The following RASGRF2 variants were observed in gnomAD, a reference collection of about 807,000 sequenced individuals.
The protein encoded by RASGRF2 is Ras protein specific guanine nucleotide releasing factor 2.
RASGRF2 carries 76 observed loss-of-function variants against 151.0 expected under a neutral mutation model. The observed-to-expected ratio is 0.50, with a 90% CI of 0.42 to 0.61. The LOEUF (loss-of-function observed/expected upper bound fraction) is 0.61, where lower values mean the gene tolerates loss of function less well. RASGRF2 is among the 20% of genes least tolerant of loss of function. The pLI is 0.00. For missense variants in RASGRF2, 1,148 were observed against 1,564.6 expected (o/e 0.73, Z 4.49); for synonymous variants, 504 against 566.5 (o/e 0.89, Z 1.57).
At position 81,127,074 on chromosome 5, in the gene RASGRF2, G is replaced by T. The variant is rs1753475965; in HGVS notation, c.2597G>T (p.Gly866Val). 1.9e-6 allele frequency: 3 copies of T among 1,613,880 alleles called. No individual in the cohort carries two copies. The highest frequency in any genetic ancestry group is 2.5e-6 in the Non-Finnish European group (3 of 1,179,838). The change falls in exon 17 of 27, where the codon GGA becomes GTA. Residue 866 changes from glycine to valine, a missense_variant and splice_region_variant. Around this residue, in one of 5 missense-constraint regions of RASGRF2, gnomAD observed 646 missense variants for 807.4 expected, o/e 0.80. Coordinates refer to ENST00000265080, the MANE Select transcript of RASGRF2 (RefSeq NM_006909.3). ...ATTTCCTTTCTTTTCAAATAACCAG[G>T]ACAGACGGCGGACAATGCCCACTGC... ...PRHLRYRQPG[G>V]QTADNAHCSV... is the part of the protein sequence containing the mutation.
intron 21 of RASGRF2, 77 bp downstream of exon 21, chr5:81,207,426 T>G (rs1580406596): frequency 7.9e-7 from 1 of 1,264,934 alleles, no homozygotes. Flanking sequence ...CTAAGGCAGG[T>G]TGTGTGTATG....
intron 17 of RASGRF2, among the ~76,000 whole-genome samples, chr5:81,157,745 G>A (rs1025162009): frequency 2.6e-4 from 39 of 152,172 alleles, no homozygotes; most frequent in African/African-American, 9.4e-4. Context: ...AGTGCCAGCA[G>A]GGGAAATGCC....
At chr5:80,973,670 A>G (rs12515295) in intron 1 of RASGRF2, among the ~76,000 whole-genome samples, 1 of 152,000 alleles carries the variant, frequency 6.6e-6, no homozygotes, top group South Asian at 2.1e-4. Flanking sequence ...CTGAATTTTC[A>G]AAACAGGTCT....
intron 26 of RASGRF2, among the ~76,000 whole-genome samples, chr5:81,222,330 T>A (rs1755873287): frequency 6.6e-6 from 1 of 152,216 alleles, no homozygotes. Flanking sequence ...AAATTCCCTC[T>A]CCAACAGTGA....
intron 1 of RASGRF2, among the ~76,000 whole-genome samples, chr5:80,971,834 G>GGGAGGCCA (rs1431221944): frequency 7.2e-5 from 11 of 151,978 alleles, no homozygotes; most frequent in African/African-American, 2.4e-4. Flanking sequence ...GCCTCCCAAA[G>GGGAGGCCA]TGCTGGGATT....
At chr5:81,210,883 C>T (rs539289462) in intron 22 of RASGRF2, among the ~76,000 whole-genome samples, 8 of 152,162 alleles carry the variant, frequency 5.3e-5, no homozygotes, top group Non-Finnish European at 8.8e-5. Context: ...CTGTAGCTCA[C>T]ACCTGTAATC....
intron 1 of RASGRF2, among the ~76,000 whole-genome samples, chr5:81,015,411 A>T (rs1055171672): frequency 6.6e-6 from 1 of 152,252 alleles, no homozygotes; most frequent in African/African-American, 2.4e-5. Context: ...AACCAATAAT[A>T]AATAAATAAA....
At chr5:81,092,653 T>C in intron 9 of RASGRF2, 148 bp from the exon 10 acceptor site, 1 of 734,514 alleles carries the variant, frequency 1.4e-6, no homozygotes, top group Non-Finnish European at 2.3e-6. Context: ...CTGCTCAGAC[T>C]GGAAGAGAGT....
intron 17 of RASGRF2, among the ~76,000 whole-genome samples, chr5:81,130,631 A>G (rs1040359050): frequency 3.9e-5 from 6 of 152,184 alleles, no homozygotes. Flanking sequence ...GGCTAGACCT[A>G]GATACCTGGA....
At chr5:81,067,851 T>C (rs759907668) in intron 2 of RASGRF2, among the ~76,000 whole-genome samples, 181 bp from the exon 3 acceptor site, 1 of 152,218 alleles carries the variant, frequency 6.6e-6, no homozygotes, top group Non-Finnish European at 1.5e-5. Context: ...AATGATTATT[T>C]AAATTCTTCA....
At chr5:80,990,312 T>A (rs189274229) in intron 1 of RASGRF2, among the ~76,000 whole-genome samples, 228 of 152,262 alleles carry the variant, frequency 1.5e-3, no homozygotes, top group African/African-American at 5.3e-3. Context: ...GTGGCTTGAT[T>A]TCCACGTTCT....
chr5:81,207,906 G>A (rs1018052754), intron 21 of RASGRF2, among the ~76,000 whole-genome samples: 17 of 152,242 alleles, frequency 1.1e-4, no homozygotes, highest in African/African-American at 3.4e-4. Flanking sequence ...GGCAGGCAGC[G>A]CAGAGTGGAG....
chr5:81,088,911 A>G (rs1752315557), intron 9 of RASGRF2, among the ~76,000 whole-genome samples: 1 of 152,140 alleles, frequency 6.6e-6, no homozygotes, highest in Non-Finnish European at 1.5e-5. Flanking sequence ...ATTCCTTGTT[A>G]TGTACCACAT....
At chr5:81,211,349 G>A in intron 22 of RASGRF2, among the ~76,000 whole-genome samples, 1 of 152,054 alleles carries the variant, frequency 6.6e-6, no homozygotes. Flanking sequence ...ATTGCCTTAA[G>A]GTCAGGGATG....
At chr5:81,180,905 A>G (rs1342817475) in intron 18 of RASGRF2, among the ~76,000 whole-genome samples, 5 of 151,856 alleles carry the variant, frequency 3.3e-5, no homozygotes, top group Admixed American at 3.3e-4. Flanking sequence ...TTCCCCTTTC[A>G]CAAAACAAGT....
At chr5:81,003,389 AT>A (rs1459972415) in intron 1 of RASGRF2, among the ~76,000 whole-genome samples, 22 of 151,948 alleles carry the variant, frequency 1.4e-4, no homozygotes, top group Middle Eastern at 3.4e-3. Context: ...CGCCCACCTA[AT>A]TTTTTTGTAT....
chr5:81,017,687 A>T (rs978824743), intron 1 of RASGRF2, among the ~76,000 whole-genome samples: 1 of 152,234 alleles, frequency 6.6e-6, no homozygotes. Context: ...TAATTCACAC[A>T]GAATATTCTT....
intron 5 of RASGRF2, among the ~76,000 whole-genome samples, chr5:81,076,819 G>A (rs2112470778): frequency 6.6e-6 from 1 of 152,336 alleles, no homozygotes; most frequent in South Asian, 2.1e-4. Context: ...TTAATGCTGG[G>A]AAGCACTGAG....
At position 81,212,450 on chromosome 5, in the gene RASGRF2, G is replaced by A. The variant is rs763431693; in HGVS notation, c.3241G>A (p.Ala1081Thr). The change falls in exon 23 of 27, where the codon GCG becomes ACG. Residue 1081 changes from alanine (A) to threonine (T), a missense_variant. Physicochemically the swap from Ala to Thr is moderately conservative, Grantham distance 58. Around this residue, in one of 5 missense-constraint regions of RASGRF2, gnomAD observed 646 missense variants for 807.4 expected, o/e 0.80. Coordinates refer to ENST00000265080, the MANE Select transcript of RASGRF2 (RefSeq NM_006909.3). ...ANAIEKWVAV[A>T]DICRCLHNYN... is the part of the protein sequence containing the mutation. ...CGCCATCGAGAAATGGGTGGCAGTGGCGGACATCTGCCGATGCCTGCACAA... is the reference window on the plus strand; with the variant it reads ...CGCCATCGAGAAATGGGTGGCAGTGACGGACATCTGCCGATGCCTGCACAA... 1 of 1,613,952 alleles carries A rather than the reference G, an allele frequency of 6.2e-7. No homozygotes were observed. The highest frequency in any genetic ancestry group is 2.2e-5 in the East Asian group (1 of 44,870).
Sources: gnomAD v4.1 joint callset for allele counts (sites outside exome capture counted in the v4.1 genomes callset) on GRCh38, gnomAD v4.1.1 for gene constraint, gnomAD v4.1.1 regional missense constraint, MANE v1.5 for transcripts, NCBI Gene and HGNC (gene_info 2026-07-23, HGNC 2026-07-21) for gene names.